TSPAN1: variants seen among roughly 807,000 people sequenced by gnomAD.
TSPAN1 encodes the protein tetraspanin 1, also known as tetraspanin-1.
In TSPAN1, 23 loss-of-function variants were observed where a neutral mutation model predicts 26.9. The observed-to-expected ratio is 0.85, with a 90% CI of 0.62 to 1.21. The LOEUF (loss-of-function observed/expected upper bound fraction) is 1.21. Among genes scored for constraint, TSPAN1 ranks in the 50% most tolerant of loss-of-function variants. The probability of loss-of-function intolerance (pLI) is 0.00; values close to 1 mark genes in which losing one functional copy is unlikely to be tolerated. For missense variants in TSPAN1, 283 were observed against 298.4 expected, an observed-to-expected ratio of 0.95 and a Z score of 0.38; for synonymous variants, 115 against 114.8, an observed-to-expected ratio of 1.00 and a Z score of -0.01.
chr1:46,177,348 A>AT (rs1553161661), intron 1 of TSPAN1, among the ~76,000 whole-genome samples: 192 of 99,982 alleles, frequency 1.9e-3, no homozygotes, highest in African/African-American at 4.9e-3. Flanking sequence ...AAAAAAAAAA[A>AT]ATATATCTAT....
intron 1 of TSPAN1, among the ~76,000 whole-genome samples, chr1:46,177,685 G>A (rs1657214303): frequency 2.0e-5 from 3 of 152,224 alleles, no homozygotes; most frequent in African/African-American, 7.2e-5. Flanking sequence ...TTGCTCAACA[G>A]ACCTCAGCTG....
chr1:46,176,893 C>T (rs913021790), intron 1 of TSPAN1, among the ~76,000 whole-genome samples: 2 of 152,180 alleles, frequency 1.3e-5, no homozygotes, highest in African/African-American at 4.8e-5. Flanking sequence ...TCATTATTCC[C>T]AGTAATGTTC....
At chr1:46,179,635 C>CG (rs1403430879) in intron 1 of TSPAN1, among the ~76,000 whole-genome samples, 3 of 152,180 alleles carry the variant, frequency 2.0e-5, no homozygotes, top group African/African-American at 7.2e-5. Flanking sequence ...GAGCAGGAAG[C>CG]GGTCAGGCAG....
Position 46,184,208 on chromosome 1 carries a change from G to C in TSPAN1, c.75G>C (p.Leu25=), listed in dbSNP as rs1195341709. 1 of 1,614,226 alleles carries C rather than the reference G, an allele frequency of 6.2e-7. No individual in the cohort carries two copies. Among genetic ancestry groups the C allele is most frequent in the Admixed American group, 1.7e-5 (1 of 60,026 alleles). The part of the protein sequence containing the change: ...NLLIFLCGAA[L]LAVGIWVSID... The stretch of plus-strand genomic sequence containing the variant: ...CTCCCCAGCTGTGTGGTGCAGCCCT[G>C]TTGGCAGTGGGCATCTGGGTGTCAA... The change falls in exon 4 of 9, where the codon CTG becomes CTC. Residue 25 remains leucine (L), a synonymous_variant. Transcript: ENST00000372003.
downstream of TSPAN1, chr1:46,189,717 A>G: frequency 6.5e-7 from 1 of 1,546,390 alleles, no homozygotes; most frequent in Admixed American, 2.0e-5. Context: ...TTGGACAAGG[A>G]GGTTGGAAGA....
the TSPAN1 span, chr1:46,192,290 C>T: frequency 1.2e-6 from 2 of 1,614,180 alleles, no homozygotes; most frequent in Middle Eastern, 3.3e-4. Flanking sequence ...AGCCCCCTCA[C>T]CCTACCCTGA....
chr1:46,194,408 G>A, the TSPAN1 span: 57 of 1,614,100 alleles, frequency 3.5e-5, 1 homozygote, highest in Non-Finnish European at 4.7e-5. Context: ...GCCTCTGAGG[G>A]AAGGATGCGG....
At chr1:46,180,194 T>C (rs1657283106) in intron 1 of TSPAN1, among the ~76,000 whole-genome samples, 1 of 152,234 alleles carries the variant, frequency 6.6e-6, no homozygotes, top group Non-Finnish European at 1.5e-5. Flanking sequence ...GATGGCAGCA[T>C]GAGCAGATGC....
downstream of TSPAN1, chr1:46,189,431 T>C (rs1657566281): frequency 1.9e-6 from 3 of 1,613,450 alleles, no homozygotes; most frequent in African/African-American, 2.7e-5. Flanking sequence ...GGCCTCCTGT[T>C]TCCCAGGGCA....
downstream of TSPAN1, among the ~76,000 whole-genome samples, chr1:46,188,523 G>A (rs886088092): frequency 6.6e-6 from 1 of 152,180 alleles, no homozygotes; most frequent in African/African-American, 2.4e-5. Context: ...AAAAACCTTG[G>A]AGTTTGAGAC....
At chr1:46,177,377 A>ATCTG (rs2148134177) in intron 1 of TSPAN1, among the ~76,000 whole-genome samples, 2 of 151,770 alleles carry the variant, frequency 1.3e-5, no homozygotes, top group South Asian at 2.1e-4. Flanking sequence ...CTATCTATCT[A>ATCTG]TCTAACTATC....
the TSPAN1 span, chr1:46,194,373 C>G: frequency 1.3e-5 from 21 of 1,614,122 alleles, no homozygotes; most frequent in South Asian, 3.3e-5. Flanking sequence ...GACGGTTCAG[C>G]TCTGTGTCTG....
intron 3 of TSPAN1, among the ~76,000 whole-genome samples, chr1:46,182,317 A>AAAAAAAAAAAAAAAAAAAAAAAAAACC: frequency 6.8e-6 from 1 of 146,228 alleles, no homozygotes; most frequent in South Asian, 2.3e-4. Context: ...AAAAAAAAAA[A>AAAAAAAAAAAAAAAAAAAAAAAAAACC]GCCACTGTGA....
chr1:46,195,394 C>T, the TSPAN1 span: 1 of 374,002 alleles, frequency 2.7e-6, no homozygotes, highest in South Asian at 2.2e-5. Flanking sequence ...CCTCAGCTTT[C>T]TGCTCACATA....
chr1:46,186,469 C>T (rs12143152), downstream of TSPAN1, among the ~76,000 whole-genome samples: 61,289 of 150,424 alleles, frequency 0.41, 12,794 homozygotes, highest in South Asian at 0.65. Flanking sequence ...TCAGACCTCA[C>T]CTCTTTTTCT....
chr1:46,193,166 G>C, the TSPAN1 span: 1 of 1,614,136 alleles, frequency 6.2e-7, no homozygotes, highest in Non-Finnish European at 8.5e-7. Flanking sequence ...TGTATCCTTA[G>C]TACTCACCGG....
At chr1:46,180,166 T>C (rs935190591) in intron 1 of TSPAN1, among the ~76,000 whole-genome samples, 3 of 152,260 alleles carry the variant, frequency 2.0e-5, no homozygotes, top group Non-Finnish European at 4.4e-5. Context: ...AACTGGGTGC[T>C]TGCTGTATGA....
intron 1 of TSPAN1, chr1:46,176,173 C>T: frequency 6.5e-7 from 1 of 1,529,486 alleles, no homozygotes; most frequent in Non-Finnish European, 8.8e-7. Flanking sequence ...CCGCACCCAG[C>T]CTAGTGGCTC....
chr1:46,184,661 C>T lies in TSPAN1; in HGVS notation c.332C>T (p.Thr111Ile), dbSNP rs771416309. The T allele has an allele frequency of 1.9e-6, 3 of 1,614,082 alleles. No homozygotes were observed. Among genetic ancestry groups the T allele is most frequent in the South Asian group, 1.1e-5 (1 of 91,084 alleles). The change falls in exon 5 of 9, where the codon ACC (threonine) becomes ATC (isoleucine). Residue 111 changes from threonine to isoleucine, a missense_variant. Thr to Ile is a moderately conservative substitution (Grantham distance 89). Transcript: ENST00000372003. ...GCTGCTGTGGTCGCCTTGGTGTACACCACAATGGTGAGACACTGGGATGGA... is the reference window on the plus strand; with the variant it reads ...GCTGCTGTGGTCGCCTTGGTGTACATCACAATGGTGAGACACTGGGATGGA... ...VAAAVVALVYTTMAEHFLTLL... is the reference protein window; with the variant it reads ...VAAAVVALVYITMAEHFLTLL...
Sources: allele counts gnomAD v4.1 joint callset (sites outside exome capture counted in the v4.1 genomes callset), GRCh38; gene constraint gnomAD v4.1.1; transcripts MANE v1.5; gene names NCBI Gene and HGNC (gene_info 2026-07-23, HGNC 2026-07-21).